The following PAAF1 variants were observed in gnomAD, a reference collection of about 807,000 sequenced individuals.
The protein encoded by PAAF1 is proteasomal ATPase associated factor 1, also known as proteasomal ATPase-associated factor 1.
Under a neutral mutation model 52.8 loss-of-function variants are expected in PAAF1, and 46 were observed. The observed-to-expected ratio is 0.87, with a 90% confidence interval of 0.69 to 1.11. The LOEUF (loss-of-function observed/expected upper bound fraction) is 1.11, where lower values mean the gene tolerates loss of function less well. Among genes scored for constraint, PAAF1 ranks in the 50% most tolerant of loss-of-function variants. The probability of loss-of-function intolerance (pLI) is 0.00; values close to 1 mark genes in which losing one functional copy is unlikely to be tolerated. For missense variants in PAAF1, 424 were observed against 477.4 expected, an observed-to-expected ratio of 0.89 and a Z score of 1.04; for synonymous variants, 178 against 172.8, an observed-to-expected ratio of 1.03 and a Z score of -0.24.
intron 3 of PAAF1, chr11:73,888,985 C>T: frequency 2.0e-6 from 1 of 492,330 alleles, no homozygotes; most frequent in African/African-American, 1.9e-5. Flanking sequence ...TTTAAATTTC[C>T]ATTTTGCAGA....
intron 10 of PAAF1, chr11:73,922,102 G>A (rs1462902780): frequency 2.2e-6 from 2 of 916,556 alleles, no homozygotes; most frequent in African/African-American, 3.3e-5. Context: ...CTGGGGGCAG[G>A]TCCTTTGAAT....
chr11:73,889,247 TA>T, intron 3 of PAAF1: 1 of 1,400,462 alleles, frequency 7.1e-7, no homozygotes, highest in Non-Finnish European at 9.3e-7. Context: ...GTTCAGACAG[TA>T]AGTGCTTATG....
chr11:73,889,288 A>G (rs1949140955), intron 3 of PAAF1: 2 of 1,182,792 alleles, frequency 1.7e-6, no homozygotes, highest in Non-Finnish European at 2.2e-6. Flanking sequence ...CCTAACTGCC[A>G]TGAGTCACTT....
rs1420982943 is a variant in PAAF1, at chr11:73,909,394, G to T, written c.533-5G>T. ...CCATCTTAGGGAGTTTTTTTCTCTT[G>T]CTAGGTATCCTGGATACAGCCATCG... On this transcript the variant is annotated splice_polypyrimidine_tract_variant and splice_region_variant and intron_variant, in intron 6 of 11. Coordinates refer to ENST00000310571, the MANE Select transcript of PAAF1 (RefSeq NM_025155.3). 1 of 1,611,576 alleles carries T rather than the reference G, an allele frequency of 6.2e-7. No homozygotes were observed. Among genetic ancestry groups the T allele is most frequent in the Admixed American group, 1.7e-5 (1 of 59,396 alleles).
At chr11:73,901,532 TC>T (rs1044377141) in intron 6 of PAAF1, among the ~76,000 whole-genome samples, 3 of 152,176 alleles carry the variant, frequency 2.0e-5, no homozygotes, top group Non-Finnish European at 4.4e-5. Flanking sequence ...GCCCTCTACT[TC>T]TGGGATTTTT....
chr11:73,924,158 T>C (rs1379917111), intron 10 of PAAF1, among the ~76,000 whole-genome samples: 4 of 152,146 alleles, frequency 2.6e-5, no homozygotes, highest in Non-Finnish European at 4.4e-5. Context: ...TAGATCATCA[T>C]AATTGGCCCA....
At chr11:73,920,226 T>C (rs775196655) in intron 10 of PAAF1, among the ~76,000 whole-genome samples, 1 of 151,732 alleles carries the variant, frequency 6.6e-6, no homozygotes, top group African/African-American at 2.4e-5. Context: ...ATTTTTTATA[T>C]ATTTTTTTAA....
chr11:73,907,055 A>T (rs1949778609), intron 6 of PAAF1, among the ~76,000 whole-genome samples: 2 of 148,132 alleles, frequency 1.4e-5, no homozygotes, highest in African/African-American at 2.5e-5. Context: ...TTTTTTCCAG[A>T]TATATTCTGT....
At chr11:73,901,625 TG>T (rs1949615766) in intron 6 of PAAF1, among the ~76,000 whole-genome samples, 1 of 151,824 alleles carries the variant, frequency 6.6e-6, no homozygotes, top group African/African-American at 2.4e-5. Flanking sequence ...TTTTTTAAGA[TG>T]GAGTCTCACT....
intron 10 of PAAF1, chr11:73,921,788 G>A: frequency 1.7e-6 from 2 of 1,199,860 alleles, no homozygotes; most frequent in Non-Finnish European, 2.4e-6. Flanking sequence ...TGCCTTAGAT[G>A]TTGTAAATAG....
At chr11:73,880,892 C>G (rs540331433) in intron 2 of PAAF1, among the ~76,000 whole-genome samples, 9 of 151,588 alleles carry the variant, frequency 5.9e-5, no homozygotes, top group Admixed American at 2.6e-4. Flanking sequence ...CCCAGCTACT[C>G]GGAAGGCTGA....
At chr11:73,887,927 T>G (rs1341345456) in intron 3 of PAAF1, among the ~76,000 whole-genome samples, 3 of 152,092 alleles carry the variant, frequency 2.0e-5, no homozygotes, top group Non-Finnish European at 4.4e-5. Context: ...TTTTTGCATT[T>G]TTAGTAGAGA....
intron 10 of PAAF1, among the ~76,000 whole-genome samples, chr11:73,922,371 C>G (rs996281748): frequency 3.3e-5 from 5 of 152,010 alleles, no homozygotes; most frequent in Non-Finnish European, 7.4e-5. Flanking sequence ...TATCAGAAAC[C>G]ACATTTCAGT....
intron 5 of PAAF1, 124 bp downstream of exon 5, chr11:73,899,368 A>T: frequency 1.7e-5 from 8 of 484,732 alleles, no homozygotes; most frequent in East Asian, 3.9e-5. Context: ...ATGTCAGTTG[A>T]TCTCTTTTCT....
At chr11:73,908,231 G>GTGTGTATATATA (rs1009592416) in intron 6 of PAAF1, among the ~76,000 whole-genome samples, 12 of 148,694 alleles carry the variant, frequency 8.1e-5, no homozygotes, top group Non-Finnish European at 1.8e-4. Flanking sequence ...ATATATATAT[G>GTGTGTATATATA]TGTGTATATA....
At chr11:73,882,672 G>A (rs1471981632) in intron 2 of PAAF1, among the ~76,000 whole-genome samples, 2 of 151,708 alleles carry the variant, frequency 1.3e-5, no homozygotes, top group African/African-American at 4.8e-5. Context: ...GCATGTTCTC[G>A]GCTCACTGCA....
At chr11:73,918,440 T>G in intron 9 of PAAF1, among the ~76,000 whole-genome samples, 1 of 145,294 alleles carries the variant, frequency 6.9e-6, no homozygotes, top group African/African-American at 2.5e-5. Flanking sequence ...CTTACATATA[T>G]ATTAAATTGA....
In PAAF1 at chr11:73,909,506, C is replaced by T; in HGVS notation, c.640C>T (p.Leu214Phe). 1 of 1,614,166 alleles carries T rather than the reference C, an allele frequency of 6.2e-7. No homozygotes were observed. Among genetic ancestry groups the T allele is most frequent in the South Asian group, 1.1e-5 (1 of 91,084 alleles). Residue 214 changes from leucine to phenylalanine, a missense_variant, in exon 7 of 12, where the codon CTT becomes TTT. Transcript: ENST00000310571. ...TGGGCGCTCAGCCTGCTTGGGAGTC[C>T]TTGCAGATTGTGGTTCTTCTATCAA... ...DCGRSACLGV[L>F]ADCGSSINGV...
intron 11 of PAAF1, among the ~76,000 whole-genome samples, chr11:73,926,703 T>A (rs1026257707): frequency 3.3e-5 from 5 of 152,172 alleles, no homozygotes; most frequent in Non-Finnish European, 5.9e-5. Flanking sequence ...AGCAAGAGTC[T>A]GTCTCAAAAA....
Sources: gnomAD v4.1 joint callset for allele counts (sites outside exome capture counted in the v4.1 genomes callset) on GRCh38, gnomAD v4.1.1 for gene constraint, MANE v1.5 for transcripts, NCBI Gene and HGNC (gene_info 2026-07-23, HGNC 2026-07-21) for gene names.